Variants in AS3MT observed in about 807,000 individuals in gnomAD.
The protein encoded by AS3MT is S-adenosyl-L-methionine:arsenic(III) methyltransferase.
AS3MT carries 47 observed loss-of-function variants against 45.3 expected under a neutral mutation model. That is an observed-to-expected ratio of 1.04 (90% CI 0.82 to 1.32). The LOEUF is 1.32. AS3MT is among the 40% of genes most tolerant of loss of function. The pLI is 0.00. For synonymous variants in AS3MT, 141 were observed against 152.8 expected (o/e 0.92, Z 0.57); for missense variants, 396 against 451.1 (o/e 0.88, Z 1.11).
chr10:102,871,323 G>A (rs535772772), intron 3 of AS3MT, among the ~76,000 whole-genome samples: 27 of 151,984 alleles, frequency 1.8e-4, no homozygotes, highest in African/African-American at 6.3e-4. Flanking sequence ...GAGGCGGGAG[G>A]ATCACGAGGC....
chr10:102,888,883 T>TATATA (rs1845010291), intron 9 of AS3MT, among the ~76,000 whole-genome samples: 3 of 94,842 alleles, frequency 3.2e-5, no homozygotes, highest in African/African-American at 1.3e-4. Flanking sequence ...ATATATATAT[T>TATATA]TTTTTTTTTT....
intron 6 of AS3MT, 56 bp from the exon 7 acceptor site, chr10:102,876,898 G>C (rs3740393): frequency 0.15 from 233,004 of 1,520,016 alleles, 19,302 homozygotes; most frequent in East Asian, 0.27. Context: ...TCTTTGTTAT[G>C]TGGGGTCAAT....
chr10:102,878,615 C>A, intron 8 of AS3MT, 105 bp downstream of exon 8: 1 of 1,460,946 alleles, frequency 6.8e-7, no homozygotes, highest in Admixed American at 2.0e-5. Flanking sequence ...GGGATACTTT[C>A]TGTTATCTGG....
At chr10:102,872,696 G>A in intron 4 of AS3MT, 98 bp downstream of exon 4, 1 of 1,343,246 alleles carries the variant, frequency 7.4e-7, no homozygotes, top group Non-Finnish European at 1.0e-6. Context: ...GATAATTTAA[G>A]AAAGCTTCTA....
rs185077443 is a variant in AS3MT at position 102,890,636 on chromosome 10, G to C, written c.978G>C (p.Glu326Asp). Reference protein sequence around the residue: ...AQDFLIRPIGEKLPTSGGCSA... With the variant: ...AQDFLIRPIGDKLPTSGGCSA... ...ATTTTCTGATCAGACCAATTGGAGA[G>C]AAGTTGCCAACATCTGGAGGCTGTT... Residue 326 changes from glutamate to aspartate, a missense_variant, in exon 10 of 11, where the codon GAG becomes GAC. Transcript: ENST00000369880. 2 of 1,613,676 alleles carry C rather than the reference G, an allele frequency of 1.2e-6. No individual in the cohort carries two copies. The highest frequency in any genetic ancestry group is 2.7e-5 in the African/African-American group (2 of 75,026).
At chr10:102,890,409 A>G (rs998587711) in intron 9 of AS3MT, 135 bp from the exon 10 acceptor site, 2 of 639,866 alleles carry the variant, frequency 3.1e-6, no homozygotes, top group African/African-American at 3.8e-5. Flanking sequence ...TGGCTGTACT[A>G]ATTTAAATTC....
chr10:102,874,494 T>C, intron 5 of AS3MT, 98 bp from the exon 6 acceptor site: 1 of 858,316 alleles, frequency 1.2e-6, no homozygotes, highest in South Asian at 1.5e-5. Flanking sequence ...TGGGGTAGCT[T>C]TGACAGAACG....
chr10:102,869,695 C>T, intron 1 of AS3MT, 102 bp downstream of exon 1: 8 of 1,608,614 alleles, frequency 5.0e-6, no homozygotes, highest in Non-Finnish European at 6.8e-6. Flanking sequence ...GTCTCGAGAC[C>T]TTTGTCCTCC....
chr10:102,890,792 C>A, intron 10 of AS3MT, 114 bp downstream of exon 10: 1 of 941,592 alleles, frequency 1.1e-6, no homozygotes, highest in Non-Finnish European at 1.5e-6. Flanking sequence ...CTCACTGCAA[C>A]CTCCGCCTCC....
Position 102,878,872 on chromosome 10 carries a change from A to G in AS3MT, c.766A>G (p.Thr256Ala). The part of the protein sequence containing the change: ...VIGDCRFVSA[T>A]FRLFKHSKTG... ...AGGTGACTGTCGTTTTGTTTCTGCA[A>G]CATTTCGCCTCTTCAAACACTCTAA... The change falls in exon 9 of 11, where the codon ACA (threonine) becomes GCA (alanine). Residue 256 changes from threonine (T) to alanine (A), a missense_variant. Physicochemically the swap from Thr to Ala is moderately conservative, Grantham distance 58. Transcript: ENST00000369880. 6.2e-7 allele frequency: 1 copy of G among 1,612,654 alleles called. No homozygotes were observed. Among genetic ancestry groups the G allele is most frequent in the Non-Finnish European group, 8.5e-7 (1 of 1,179,640 alleles).
chr10:102,879,700 T>C (rs1052158055), intron 9 of AS3MT, among the ~76,000 whole-genome samples: 1 of 131,894 alleles, frequency 7.6e-6, no homozygotes, highest in African/African-American at 2.9e-5. Context: ...ACCCGGGAGG[T>C]GGAGGTTGAG....
intron 9 of AS3MT, among the ~76,000 whole-genome samples, chr10:102,885,679 G>A (rs1434441359): frequency 9.6e-6 from 1 of 103,854 alleles, no homozygotes; most frequent in African/African-American, 3.5e-5. Flanking sequence ...ACAGGCGCCC[G>A]CCACTACGCC....
At chr10:102,873,011 A>G in intron 4 of AS3MT, 86 bp from the exon 5 acceptor site, 1 of 1,114,902 alleles carries the variant, frequency 9.0e-7, no homozygotes, top group Non-Finnish European at 1.3e-6. Flanking sequence ...TAGGGGAAGT[A>G]TATTCTGTTA....
intron 4 of AS3MT, 131 bp downstream of exon 4, chr10:102,872,729 A>T: frequency 2.0e-6 from 2 of 998,016 alleles, no homozygotes; most frequent in Non-Finnish European, 2.9e-6. Flanking sequence ...CATTTGTGCC[A>T]CTAGTGCTTC....
chr10:102,899,847 A>G (rs1185359063), intron 10 of AS3MT, among the ~76,000 whole-genome samples: 4 of 151,924 alleles, frequency 2.6e-5, no homozygotes, highest in Non-Finnish European at 4.4e-5. Context: ...TTGTATTTTT[A>G]GTAGAGATGG....
At chr10:102,897,089 T>A (rs1197283275) in intron 10 of AS3MT, among the ~76,000 whole-genome samples, 1 of 151,994 alleles carries the variant, frequency 6.6e-6, no homozygotes, top group Non-Finnish European at 1.5e-5. Flanking sequence ...TAAATACTGA[T>A]TATAAAAGCT....
At chr10:102,879,122 T>C (rs574731861) in intron 9 of AS3MT, 131 bp downstream of exon 9, 1 of 1,026,110 alleles carries the variant, frequency 9.7e-7, no homozygotes, top group South Asian at 1.7e-5. Flanking sequence ...TTTAAATGTA[T>C]GTGTGTGTTT....
chr10:102,877,282 G>A (rs762494774), intron 7 of AS3MT, among the ~76,000 whole-genome samples: 4 of 152,148 alleles, frequency 2.6e-5, no homozygotes, highest in Admixed American at 1.3e-4. Context: ...GGGCTGTTAT[G>A]AAGATTAAAT....
In AS3MT at chr10:102,874,590, A is replaced by G. The variant is rs1844751856; in HGVS notation, c.459-2A>G. 1.3e-6 allele frequency: 2 copies of G among 1,595,928 alleles called. No individual in the cohort carries two copies. Among genetic ancestry groups the G allele is most frequent in the Non-Finnish European group, 8.6e-7 (1 of 1,168,080 alleles). ...CTCGACATTTCATCTGTTCTCTTTT[A>G]GATCAAACTGTGTTATTAACCTTGT... On this transcript the variant is annotated splice_acceptor_variant, in intron 5 of 10. Transcript: ENST00000369880. LOFTEE classifies it high-confidence loss of function.
Sources: allele counts gnomAD v4.1 joint callset (sites outside exome capture counted in the v4.1 genomes callset), GRCh38; gene constraint gnomAD v4.1.1; transcripts MANE v1.5; gene names NCBI Gene and HGNC (gene_info 2026-07-23, HGNC 2026-07-21).